Variants in HS3ST5 observed in about 807,000 individuals in gnomAD.
HS3ST5 encodes heparan sulfate-glucosamine 3-sulfotransferase 5.
Under a neutral mutation model 25.4 loss-of-function variants are expected in HS3ST5, and 10 were observed. The ratio of observed to expected loss-of-function variants is 0.39; its 90% CI spans 0.24 to 0.67. The LOEUF is 0.67. Ranked by LOEUF, HS3ST5 falls within the 30% of genes least tolerant of loss-of-function variation. The pLI, the probability that HS3ST5 is intolerant of heterozygous loss-of-function variation, is 0.44. For synonymous variants in HS3ST5, 170 were observed against 162.4 expected (o/e 1.05, Z -0.36); for missense variants, 324 against 420.7 (o/e 0.77, Z 2.01).
At chr6:114,220,991 A>G (rs1479887218) in intron 2 of HS3ST5, among the ~76,000 whole-genome samples, 5 of 152,024 alleles carry the variant, frequency 3.3e-5, no homozygotes, top group African/African-American at 4.8e-5. Flanking sequence ...GTCAATTACA[A>G]AAAAACATAC....
At chr6:114,140,357 A>G (rs1272331459) in intron 3 of HS3ST5, among the ~76,000 whole-genome samples, 1 of 152,224 alleles carries the variant, frequency 6.6e-6, no homozygotes, top group African/African-American at 2.4e-5. Flanking sequence ...TTTAACATAA[A>G]TGCATTTAAA....
intron 3 of HS3ST5, among the ~76,000 whole-genome samples, chr6:114,075,581 T>C (rs1251888992): frequency 3.3e-5 from 5 of 152,200 alleles, no homozygotes; most frequent in Non-Finnish European, 1.5e-5. Context: ...TAATGCTCTA[T>C]TGTCGCTGTC....
At chr6:114,090,045 A>G (rs567403562) in intron 3 of HS3ST5, among the ~76,000 whole-genome samples, 9 of 152,364 alleles carry the variant, frequency 5.9e-5, no homozygotes, top group African/African-American at 2.2e-4. Context: ...ACATGTGGCC[A>G]TGAACCCTCT....
intron 2 of HS3ST5, among the ~76,000 whole-genome samples, chr6:114,189,931 C>A (rs187944204): frequency 6.1e-4 from 93 of 152,214 alleles, no homozygotes; most frequent in African/African-American, 2.2e-3. Flanking sequence ...TCTTAGTATC[C>A]TTAGGTTTTT....
chr6:114,172,210 G>T (rs537168428), intron 2 of HS3ST5, among the ~76,000 whole-genome samples: 12 of 152,276 alleles, frequency 7.9e-5, no homozygotes, highest in Non-Finnish European at 1.3e-4. Flanking sequence ...TTATTAGGTG[G>T]CATTCCAGGA....
chr6:114,337,638 T>C (rs1776660609), intron 1 of HS3ST5, among the ~76,000 whole-genome samples: 1 of 152,218 alleles, frequency 6.6e-6, no homozygotes, highest in Admixed American at 6.5e-5. Flanking sequence ...GTTCAGGTTA[T>C]GTCACGGCTT....
rs140773645 is a variant in HS3ST5 at position 114,079,834 on chromosome 6, C to T, written c.-32-16957G>A. ...TTGCCCAGGCTGGAGTGCAATGGTG[C>T]GATCTCAGCTCACCGCAACCTCCAC... On this transcript the variant is annotated intron_variant, in intron 3 of 4. Coordinates refer to ENST00000312719, the MANE Select transcript of HS3ST5 (RefSeq NM_153612.4). Among the ~76,000 whole-genome samples the T allele has an allele frequency of 4.8e-3, 723 of 152,190 alleles. 9 individuals carry two copies. Among genetic ancestry groups the T allele is most frequent in the African/African-American group, 0.016 (664 of 41,534 alleles).
At chr6:114,232,923 T>G (rs895877751) in intron 1 of HS3ST5, among the ~76,000 whole-genome samples, 3 of 152,178 alleles carry the variant, frequency 2.0e-5, no homozygotes, top group Admixed American at 6.5e-5. Context: ...CAATTAATTG[T>G]GCCAATCCCT....
At position 114,262,521 on chromosome 6, in the gene HS3ST5, T is replaced by C. The variant is rs147128647; in HGVS notation, c.-338-33743A>G. On this transcript the variant is annotated intron_variant, in intron 1 of 4. Transcript: ENST00000312719. ...GAGACTGTGCCATTGCACTCCAGCC[T>C]GGTTAACAGTGCGAGACTCTGTCTC... 3.1e-3 allele frequency among the ~76,000 whole-genome samples: 466 copies of C among 151,818 alleles called. 16 individuals carry two copies. In the East Asian group the frequency reaches 0.074, roughly 24 times the overall value.
intron 3 of HS3ST5, among the ~76,000 whole-genome samples, chr6:114,083,472 C>T (rs1037674052): frequency 6.6e-6 from 1 of 151,900 alleles, no homozygotes; most frequent in African/African-American, 2.4e-5. Context: ...CTCACACTAC[C>T]TCCTTTGAGG....
intron 3 of HS3ST5, among the ~76,000 whole-genome samples, chr6:114,134,422 G>C (rs1777492600): frequency 6.6e-6 from 1 of 152,144 alleles, no homozygotes; most frequent in African/African-American, 2.4e-5. Flanking sequence ...GAACTGTCTG[G>C]TTGAAACCCC....
intron 1 of HS3ST5, among the ~76,000 whole-genome samples, chr6:114,302,671 G>C (rs1775129048): frequency 6.6e-6 from 1 of 152,126 alleles, no homozygotes; most frequent in Non-Finnish European, 1.5e-5. Flanking sequence ...CCAAGAATTT[G>C]TGAGCAAAGG....
rs1044966726 is a variant in HS3ST5, at chr6:114,245,146, T to C, written c.-338-16368A>G. ...CATCAGTAATTACATATCTACAGTT[T>C]GCAATTACAACATGAAATGAATAGC... On this transcript the variant is annotated intron_variant, in intron 1 of 4. Transcript: ENST00000312719. Among the ~76,000 whole-genome samples, 10 of 152,194 alleles carry C rather than the reference T, an allele frequency of 6.6e-5. No individual in the cohort carries two copies. In the East Asian group the frequency reaches 1.2e-3, roughly 18 times the overall value.
chr6:114,164,076 TCA>T (rs1779096763), intron 3 of HS3ST5, among the ~76,000 whole-genome samples: 1 of 152,140 alleles, frequency 6.6e-6, no homozygotes, highest in Admixed American at 6.6e-5. Flanking sequence ...ATGAGTCTTC[TCA>T]CAGACATCCT....
At chr6:114,205,728 T>C (rs191068801) in intron 2 of HS3ST5, among the ~76,000 whole-genome samples, 1 of 152,168 alleles carries the variant, frequency 6.6e-6, no homozygotes, top group East Asian at 1.9e-4. Flanking sequence ...GGGGTAGTGG[T>C]TGGGGATGGT....
At chr6:114,190,324 C>T (rs1562231678) in intron 2 of HS3ST5, among the ~76,000 whole-genome samples, 1 of 152,132 alleles carries the variant, frequency 6.6e-6, no homozygotes, top group Admixed American at 6.6e-5. Context: ...TTGGTGGAAA[C>T]TGGATTGCAC....
chr6:114,338,966 T>G (rs966672171), intron 1 of HS3ST5, among the ~76,000 whole-genome samples: 15 of 152,136 alleles, frequency 9.9e-5, no homozygotes, highest in African/African-American at 3.6e-4. Context: ...ATTTAAATGA[T>G]TTGAAATCTA....
intron 1 of HS3ST5, among the ~76,000 whole-genome samples, chr6:114,320,610 C>T (rs1023339502): frequency 2.6e-5 from 4 of 151,990 alleles, no homozygotes; most frequent in South Asian, 2.1e-4. Flanking sequence ...GTAGCAGTAT[C>T]GGGGTGTAGG....
intron 3 of HS3ST5, among the ~76,000 whole-genome samples, chr6:114,104,614 A>C (rs1301923926): frequency 6.6e-6 from 1 of 152,202 alleles, no homozygotes; most frequent in Non-Finnish European, 1.5e-5. Context: ...CGGGCATGAA[A>C]TATGCAGGTG....
Sources: gnomAD v4.1 joint callset for allele counts (sites outside exome capture counted in the v4.1 genomes callset) on GRCh38, gnomAD v4.1.1 for gene constraint, MANE v1.5 for transcripts, NCBI Gene and HGNC (gene_info 2026-07-23, HGNC 2026-07-21) for gene names.